Variants in PTPN14 observed in about 807,000 individuals in gnomAD.
The protein encoded by PTPN14 is protein tyrosine phosphatase non-receptor type 14.
A neutral mutation model predicts 126.8 loss-of-function variants in PTPN14; 53 were observed. The ratio of observed to expected loss-of-function variants is 0.42; its 90% CI spans 0.34 to 0.53. The LOEUF (loss-of-function observed/expected upper bound fraction) is 0.53, where lower values mean the gene tolerates loss of function less well. PTPN14 is among the 20% of genes least tolerant of loss of function. The pLI is 0.08. For missense variants in PTPN14, 1,257 were observed against 1,552.9 expected (o/e 0.81, Z 3.20); for synonymous variants, 630 against 599.3 (o/e 1.05, Z -0.75).
chr1:214,531,594 T>C (rs1235761728), intron 1 of PTPN14: 1 of 152,154 alleles, frequency 6.6e-6, no homozygotes, highest in Non-Finnish European at 1.5e-5. Flanking sequence ...TGAAGATTTC[T>C]CGTATCTGCC....
At chr1:214,441,284 C>T (rs2102620840) in intron 3 of PTPN14, among the ~76,000 whole-genome samples, 1 of 152,308 alleles carries the variant, frequency 6.6e-6, no homozygotes, top group South Asian at 2.1e-4. Flanking sequence ...ACCATGACTA[C>T]TACTGTTACA....
At chr1:214,516,608 G>A (rs1217832547) in intron 1 of PTPN14, among the ~76,000 whole-genome samples, 1 of 152,270 alleles carries the variant, frequency 6.6e-6, no homozygotes, top group East Asian at 1.9e-4. Flanking sequence ...AAGTTTGTTT[G>A]AAGTTACCTA....
intron 3 of PTPN14, among the ~76,000 whole-genome samples, chr1:214,431,138 T>C (rs554668364): frequency 5.3e-5 from 8 of 152,220 alleles, no homozygotes; most frequent in African/African-American, 1.7e-4. Context: ...AATAGGGCTA[T>C]GTAAGGAAGC....
intron 1 of PTPN14, among the ~76,000 whole-genome samples, chr1:214,516,592 T>C (rs886285583): frequency 6.6e-6 from 1 of 152,224 alleles, no homozygotes; most frequent in Non-Finnish European, 1.5e-5. Flanking sequence ...CAAAATGTGG[T>C]TGGTAAAGTT....
intron 1 of PTPN14, among the ~76,000 whole-genome samples, chr1:214,500,059 G>A (rs79477923): frequency 6.6e-6 from 1 of 151,236 alleles, no homozygotes; most frequent in Non-Finnish European, 1.5e-5. Flanking sequence ...CACAAATGTG[G>A]GACATTTTCT....
intron 1 of PTPN14, among the ~76,000 whole-genome samples, chr1:214,549,643 C>T (rs952300324): frequency 1.3e-5 from 2 of 152,140 alleles, no homozygotes; most frequent in East Asian, 1.9e-4. Flanking sequence ...CTACGGCTGT[C>T]AAACAGCCTT....
At chr1:214,437,253 A>G (rs1029489803) in intron 3 of PTPN14, among the ~76,000 whole-genome samples, 2 of 152,094 alleles carry the variant, frequency 1.3e-5, no homozygotes, top group Non-Finnish European at 2.9e-5. Flanking sequence ...TGGCAAAAGA[A>G]TTACTGAAAT....
chr1:214,518,047 G>A (rs541003905), intron 1 of PTPN14, among the ~76,000 whole-genome samples: 42 of 152,226 alleles, frequency 2.8e-4, no homozygotes, highest in African/African-American at 8.4e-4. Context: ...GGAACAATGC[G>A]TTGGTATCTT....
intron 3 of PTPN14, among the ~76,000 whole-genome samples, chr1:214,435,838 T>C (rs1310281101): frequency 6.6e-6 from 1 of 152,220 alleles, no homozygotes; most frequent in South Asian, 2.1e-4. Flanking sequence ...AGTTTGGCGA[T>C]TTCTCAAAGA....
chr1:214,511,208 GGCTGAATGGATAACCTTTT>G (rs1654965325), intron 1 of PTPN14, among the ~76,000 whole-genome samples: 1 of 152,162 alleles, frequency 6.6e-6, no homozygotes, highest in Non-Finnish European at 1.5e-5. Context: ...TCTGAAGTTA[GGCTGAATGGATAACCTTTT>G]GCCTCTCTGT....
chr1:214,435,901 C>A (rs1659903303), intron 3 of PTPN14, among the ~76,000 whole-genome samples: 1 of 152,024 alleles, frequency 6.6e-6, no homozygotes, highest in African/African-American at 2.4e-5. Context: ...GGGTATATAC[C>A]CAAAGCAATA....
At chr1:214,469,509 A>G (rs1660707646) in intron 1 of PTPN14, among the ~76,000 whole-genome samples, 1 of 152,200 alleles carries the variant, frequency 6.6e-6, no homozygotes, top group African/African-American at 2.4e-5. Context: ...GGGCCCCATC[A>G]TATTCATTTT....
intron 3 of PTPN14, among the ~76,000 whole-genome samples, chr1:214,428,450 C>T (rs539667459): frequency 1.8e-4 from 27 of 152,328 alleles, no homozygotes; most frequent in South Asian, 1.0e-3. Context: ...CATCAAACCA[C>T]GTCAGTCAAA....
intron 5 of PTPN14, among the ~76,000 whole-genome samples, chr1:214,405,258 T>C (rs1659134627): frequency 1.3e-5 from 2 of 152,182 alleles, no homozygotes; most frequent in African/African-American, 4.8e-5. Context: ...TTGAACTACC[T>C]CTTCCCCTTG....
chr1:214,510,177 A>T (rs1571633728), intron 1 of PTPN14, among the ~76,000 whole-genome samples: 3 of 152,204 alleles, frequency 2.0e-5, no homozygotes, highest in African/African-American at 7.2e-5. Flanking sequence ...CAGTCAAAAC[A>T]CACACAACTT....
chr1:214,416,728 G>C lies in PTPN14; in HGVS notation c.345-2002C>G, dbSNP rs552029546. ...TTACCACGAGATTGTGGGTACTACT[G>C]TGTAAGACTGCAGAAACGAGAATGA... On this transcript the variant is annotated intron_variant, in intron 3 of 18. Transcript: ENST00000366956. 2.6e-5 allele frequency among the ~76,000 whole-genome samples: 4 copies of C among 152,312 alleles called. No homozygotes were observed. In the East Asian group the frequency reaches 7.7e-4, roughly 29 times the overall value.
chr1:214,502,976 T>C (rs1654744658), intron 1 of PTPN14, among the ~76,000 whole-genome samples: 1 of 152,146 alleles, frequency 6.6e-6, no homozygotes, highest in Non-Finnish European at 1.5e-5. Context: ...ATTGAAAATA[T>C]ATATTACCAG....
intron 1 of PTPN14, among the ~76,000 whole-genome samples, chr1:214,479,526 G>A (rs1430995434): frequency 6.6e-6 from 1 of 151,950 alleles, no homozygotes; most frequent in Non-Finnish European, 1.5e-5. Context: ...TTTTAGTGGA[G>A]ATAGGGTTTC....
intron 18 of PTPN14, 97 bp from the exon 19 acceptor site, chr1:214,358,147 A>G (rs1413796604): frequency 3.5e-6 from 5 of 1,436,584 alleles, no homozygotes; most frequent in Non-Finnish European, 3.8e-6. Flanking sequence ...CCCACTGCCC[A>G]TGTCCAGGTA....
Sources: gnomAD v4.1 joint callset for allele counts (sites outside exome capture counted in the v4.1 genomes callset) on GRCh38, gnomAD v4.1.1 for gene constraint, MANE v1.5 for transcripts, NCBI Gene and HGNC (gene_info 2026-07-23, HGNC 2026-07-21) for gene names.